Variants in FGF14 observed in about 807,000 individuals in gnomAD.
The protein encoded by FGF14 is fibroblast growth factor homologous factor 4.
FGF14 carries 5 observed loss-of-function variants against 25.5 expected under a neutral mutation model. The ratio of observed to expected loss-of-function variants is 0.20; its 90% CI spans 0.10 to 0.41. The LOEUF (loss-of-function observed/expected upper bound fraction) is 0.41, where lower values mean the gene tolerates loss of function less well. Ranked by LOEUF, FGF14 falls within the 10% of genes least tolerant of loss-of-function variation. The probability of loss-of-function intolerance (pLI) is 1.00; values close to 1 mark genes in which losing one functional copy is unlikely to be tolerated. For synonymous variants in FGF14, 138 were observed against 118.3 expected (o/e 1.17, Z -1.08); for missense variants, 222 against 320.1 (o/e 0.69, Z 2.34).
chr13:101,784,159 C>A (rs371688197), intron 3 of FGF14, among the ~76,000 whole-genome samples: 1 of 152,144 alleles, frequency 6.6e-6, no homozygotes, highest in East Asian at 1.9e-4. Flanking sequence ...TACATTAGTG[C>A]CAAATTGATA....
At chr13:102,217,596 C>T (rs2050429960) in intron 1 of FGF14, among the ~76,000 whole-genome samples, 2 of 152,158 alleles carry the variant, frequency 1.3e-5, no homozygotes, top group South Asian at 4.1e-4. Flanking sequence ...TAAAAGCCCA[C>T]TCTGTGTAAT....
rs2044022364 is a variant in FGF14, at chr13:102,088,405, T to C, written c.209-213109A>G. Reference sequence around the variant, plus strand: ...ATCTTAAAGTGTGGCACACATCACATGTAACATGTATTTTTTAAAAGTTCA... The same window carrying C: ...ATCTTAAAGTGTGGCACACATCACACGTAACATGTATTTTTTAAAAGTTCA... On this transcript the variant is annotated intron_variant, in intron 1 of 4. Coordinates refer to the FGF14 transcript ENST00000376131. Among the ~76,000 whole-genome samples the C allele has an allele frequency of 1.3e-5, 2 of 152,234 alleles. 1 individual carries two copies. Among genetic ancestry groups the C allele is most frequent in the Non-Finnish European group, 2.9e-5 (2 of 68,030 alleles).
At chr13:102,252,085 G>A (rs1314528976) in intron 1 of FGF14, among the ~76,000 whole-genome samples, 1 of 152,172 alleles carries the variant, frequency 6.6e-6, no homozygotes, top group African/African-American at 2.4e-5. Flanking sequence ...TCTGGACCAT[G>A]TTAGGAAGGA....
At chr13:102,246,560 G>A (rs572818103) in intron 1 of FGF14, among the ~76,000 whole-genome samples, 1 of 152,072 alleles carries the variant, frequency 6.6e-6, no homozygotes, top group South Asian at 2.1e-4. Context: ...TGGGGAAAAT[G>A]AGGAAATTTT....
chr13:101,881,079 G>T lies in FGF14; in HGVS notation c.194-5783C>A, dbSNP rs915929557. 2.0e-5 allele frequency among the ~76,000 whole-genome samples: 3 copies of T among 152,158 alleles called. No individual in the cohort carries two copies. In the East Asian group the frequency reaches 5.8e-4, roughly 29 times the overall value. On this transcript the variant is annotated intron_variant, in intron 1 of 4. Coordinates refer to ENST00000376143, the MANE Select transcript of FGF14 (RefSeq NM_004115.4). Reference sequence around the variant, plus strand: ...CTTTTTCTAGGGGAAAATGTTTGAAGAGATCATTAAAGGGAAGGGAGACTG... The same window carrying T: ...CTTTTTCTAGGGGAAAATGTTTGAATAGATCATTAAAGGGAAGGGAGACTG...
intron 1 of FGF14, among the ~76,000 whole-genome samples, chr13:101,915,859 C>T (rs1408733597): frequency 6.6e-6 from 1 of 152,240 alleles, no homozygotes; most frequent in Non-Finnish European, 1.5e-5. Flanking sequence ...CTGCAGAGCC[C>T]AGGGCTGCGC....
intron 3 of FGF14, among the ~76,000 whole-genome samples, chr13:101,781,997 T>G (rs1238300713): frequency 6.6e-6 from 1 of 152,222 alleles, no homozygotes; most frequent in Non-Finnish European, 1.5e-5. Context: ...ACATGTTCTT[T>G]TTGGTCTATG....
chr13:102,019,830 G>A (rs986981106), intron 1 of FGF14, among the ~76,000 whole-genome samples: 1 of 152,098 alleles, frequency 6.6e-6, no homozygotes, highest in African/African-American at 2.4e-5. Context: ...TCTGTTAAAA[G>A]GATGAGAATT....
intron 1 of FGF14, among the ~76,000 whole-genome samples, chr13:102,272,394 C>T (rs1336393782): frequency 6.6e-6 from 1 of 152,060 alleles, no homozygotes; most frequent in African/African-American, 2.4e-5. Flanking sequence ...ATTATGATTA[C>T]TTGTATCTCA....
At chr13:102,206,568 C>T (rs138561623) in intron 1 of FGF14, among the ~76,000 whole-genome samples, 29 of 152,188 alleles carry the variant, frequency 1.9e-4, no homozygotes, top group African/African-American at 6.3e-4. Flanking sequence ...GTACTCCCAG[C>T]TACTCAGTAA....
chr13:102,108,909 T>C (rs546760817), intron 1 of FGF14, among the ~76,000 whole-genome samples: 6 of 152,344 alleles, frequency 3.9e-5, no homozygotes, highest in African/African-American at 1.4e-4. Context: ...CTTCATCTTT[T>C]ATACGTATAA....
chr13:102,132,439 T>C (rs1278551036), intron 1 of FGF14, among the ~76,000 whole-genome samples: 3 of 152,092 alleles, frequency 2.0e-5, no homozygotes, highest in Non-Finnish European at 2.9e-5. Flanking sequence ...ACATACAGAA[T>C]CTAGCAATGT....
At chr13:102,115,624 A>C (rs746571741) in intron 1 of FGF14, among the ~76,000 whole-genome samples, 3 of 152,128 alleles carry the variant, frequency 2.0e-5, no homozygotes, top group Admixed American at 2.0e-4. Context: ...GACAGGAGCT[A>C]AACATTGAAT....
intron 1 of FGF14, among the ~76,000 whole-genome samples, chr13:102,093,031 G>T (rs1284930975): frequency 2.6e-5 from 4 of 152,118 alleles, no homozygotes; most frequent in Non-Finnish European, 5.9e-5. Flanking sequence ...AAACCTGTTG[G>T]TGTGGACACA....
At chr13:101,994,102 G>T (rs1201751509) in intron 1 of FGF14, among the ~76,000 whole-genome samples, 1 of 151,850 alleles carries the variant, frequency 6.6e-6, no homozygotes, top group Non-Finnish European at 1.5e-5. Context: ...GAAATGAAAT[G>T]TTATGATGTC....
chr13:102,385,502 T>C (rs1460173942), intron 1 of FGF14, among the ~76,000 whole-genome samples: 1 of 152,210 alleles, frequency 6.6e-6, no homozygotes, highest in Non-Finnish European at 1.5e-5. Context: ...CATCCTATTC[T>C]GTAGATCTCA....
intron 1 of FGF14, among the ~76,000 whole-genome samples, chr13:102,112,084 ATTTG>A (rs5806268): frequency 0.047 from 7,123 of 152,296 alleles, 371 homozygotes; most frequent in African/African-American, 0.12. Flanking sequence ...TTTATTAAGC[ATTTG>A]TTTATTAAAC....
At chr13:101,976,861 G>A (rs60150426) in intron 1 of FGF14, among the ~76,000 whole-genome samples, 4,102 of 152,228 alleles carry the variant, frequency 0.027, 187 homozygotes, top group African/African-American at 0.091. Flanking sequence ...AGCAGATATC[G>A]CATACTGCTG....
chr13:102,301,088 T>C (rs2055028993), intron 1 of FGF14, among the ~76,000 whole-genome samples: 2 of 152,146 alleles, frequency 1.3e-5, no homozygotes, highest in African/African-American at 2.4e-5. Flanking sequence ...AAGTGGAAAA[T>C]TGGCAAGCAA....
Sources: allele counts gnomAD v4.1 joint callset (sites outside exome capture counted in the v4.1 genomes callset), GRCh38; gene constraint gnomAD v4.1.1; transcripts MANE v1.5; gene names NCBI Gene and HGNC (gene_info 2026-07-23, HGNC 2026-07-21).